CRB1: variants seen among roughly 807,000 people sequenced by gnomAD.
The protein encoded by CRB1 is protein crumbs homolog 1.
A neutral mutation model predicts 120.0 loss-of-function variants in CRB1; 83 were observed. That is an observed-to-expected ratio of 0.69 (90% CI 0.58 to 0.83). CRB1 has a LOEUF of 0.83. Ranked by LOEUF, CRB1 falls within the 40% of genes least tolerant of loss-of-function variation. The probability of loss-of-function intolerance (pLI) is 0.00; values close to 1 mark genes in which losing one functional copy is unlikely to be tolerated. For missense variants in CRB1, 1,699 were observed against 1,687.6 expected (o/e 1.01, Z -0.12); for synonymous variants, 625 against 612.5 (o/e 1.02, Z -0.30).
At chr1:197,424,248 C>A (rs1216965125) in intron 6 of CRB1, among the ~76,000 whole-genome samples, 4 of 152,098 alleles carry the variant, frequency 2.6e-5, no homozygotes, top group African/African-American at 9.7e-5. Flanking sequence ...TCCATCTTGC[C>A]AAAAATTGCC....
chr1:197,410,825 A>G (rs1663672174), intron 5 of CRB1, among the ~76,000 whole-genome samples: 1 of 152,244 alleles, frequency 6.6e-6, no homozygotes, highest in Non-Finnish European at 1.5e-5. Flanking sequence ...GATAATATCC[A>G]TGCTGAATGA....
chr1:197,413,477 A>G (rs1187823656), intron 5 of CRB1, among the ~76,000 whole-genome samples: 1 of 152,220 alleles, frequency 6.6e-6, no homozygotes, highest in Admixed American at 6.5e-5. Context: ...CTTAACCACT[A>G]TTCAAAAGGA....
rs191756826 is a variant in CRB1, at chr1:197,300,544, G to T, written c.71-27878G>T. Among the ~76,000 whole-genome samples the T allele has an allele frequency of 3.3e-3, 507 of 152,290 alleles. 2 individuals are homozygous for T. The highest frequency in any genetic ancestry group is 6.0e-3 in the Non-Finnish European group (405 of 68,036). The stretch of plus-strand genomic sequence containing the variant: ...GAAATAAGGAAGCTGCAGAAGAAAA[G>T]TTGGAAGCTAGCAGAGGTTGGTTCA... On this transcript the variant is annotated intron_variant, in intron 1 of 11. Coordinates refer to ENST00000367400, the MANE Select transcript of CRB1 (RefSeq NM_201253.3).
chr1:197,347,549 T>A lies in CRB1; in HGVS notation c.988+70T>A, dbSNP rs1659850336. On this transcript the variant is annotated intron_variant, in intron 4 of 11. Transcript: ENST00000367400. ...GAATACACATATCGCTTATAGCAAATGAAATGAAAAATTATTGTTGTTAAA... is the reference window on the plus strand; with the variant it reads ...GAATACACATATCGCTTATAGCAAAAGAAATGAAAAATTATTGTTGTTAAA... 19 of 1,475,396 alleles carry A rather than the reference T, an allele frequency of 1.3e-5. No individual in the cohort carries two copies. The South Asian group carries it at 2.1e-4, about 16-fold the overall frequency. 91.4% of individuals were successfully genotyped at this position (1,475,396 alleles called of 1,614,324 possible).
At chr1:197,388,370 C>T (rs1186031801) in intron 5 of CRB1, among the ~76,000 whole-genome samples, 4 of 151,894 alleles carry the variant, frequency 2.6e-5, no homozygotes, top group South Asian at 2.1e-4. Context: ...TAAACATTTT[C>T]GGGAGACTAA....
intron 1 of CRB1, among the ~76,000 whole-genome samples, chr1:197,310,926 G>T (rs1472880940): frequency 3.9e-5 from 6 of 152,156 alleles, no homozygotes; most frequent in African/African-American, 1.4e-4. Flanking sequence ...TTCTCCCATG[G>T]AGATGAAGAC....
chr1:197,362,308 T>C (rs1345153949), intron 5 of CRB1, among the ~76,000 whole-genome samples: 1 of 152,108 alleles, frequency 6.6e-6, no homozygotes, highest in Non-Finnish European at 1.5e-5. Context: ...GTTGCCTGAA[T>C]AAAAATTAAA....
chr1:197,302,894 T>A (rs1014570063), intron 1 of CRB1, among the ~76,000 whole-genome samples: 8 of 152,248 alleles, frequency 5.3e-5, no homozygotes, highest in Admixed American at 3.9e-4. Flanking sequence ...TGAAGGGAAG[T>A]AAGAAGGTAT....
At chr1:197,350,736 G>A (rs1007554263) in intron 4 of CRB1, among the ~76,000 whole-genome samples, 1 of 152,140 alleles carries the variant, frequency 6.6e-6, no homozygotes, top group Admixed American at 6.5e-5. Context: ...TGATCAAAGA[G>A]GCACCATTTT....
intron 2 of CRB1, among the ~76,000 whole-genome samples, chr1:197,344,065 G>A (rs899278989): frequency 6.6e-6 from 1 of 152,170 alleles, no homozygotes; most frequent in Admixed American, 6.5e-5. Flanking sequence ...ACCACAAGCT[G>A]TTGTATGCAA....
the CRB1 span, among the ~76,000 whole-genome samples, chr1:197,204,363 C>T: frequency 6.6e-6 from 1 of 152,210 alleles, no homozygotes; most frequent in African/African-American, 2.4e-5. Context: ...CTCCGCTTTT[C>T]CATAGCGGTT....
chr1:197,415,362 T>C (rs895709557), intron 5 of CRB1, among the ~76,000 whole-genome samples: 3 of 152,176 alleles, frequency 2.0e-5, no homozygotes, highest in African/African-American at 7.2e-5. Flanking sequence ...CCATGTTGGT[T>C]TTCTGTCCAA....
the CRB1 span, among the ~76,000 whole-genome samples, chr1:197,202,674 A>G: frequency 2.0e-5 from 3 of 152,212 alleles, no homozygotes; most frequent in Non-Finnish European, 4.4e-5. Context: ...AAATTCTGAT[A>G]AGAGCAAATA....
At position 197,438,662 on chromosome 1, in the gene CRB1, T is replaced by A. The variant is rs781160733; in HGVS notation, c.3865T>A (p.Phe1289Ile). 1 of 1,612,062 alleles carries A rather than the reference T, an allele frequency of 6.2e-7. No homozygotes were observed. Among genetic ancestry groups the A allele is most frequent in the Non-Finnish European group, 8.5e-7 (1 of 1,178,566 alleles). Residue 1289 changes from phenylalanine to isoleucine, a missense_variant, in exon 10 of 12, where the codon TTT becomes ATT. Phe to Ile is a conservative substitution (Grantham distance 21, BLOSUM62 0). Coordinates refer to ENST00000367400, the MANE Select transcript of CRB1 (RefSeq NM_201253.3). ...TELKCMCRPG[F>I]TGEWCEKDID... Reference sequence around the variant, plus strand: ...ATTAAAATGTATGTGCCGGCCAGGTTTTACTGGAGAATGGTGAGTCACATT... The same window carrying A: ...ATTAAAATGTATGTGCCGGCCAGGTATTACTGGAGAATGGTGAGTCACATT...
intron 11 of CRB1, among the ~76,000 whole-genome samples, chr1:197,472,240 G>A (rs761210413): frequency 1.3e-5 from 2 of 152,186 alleles, no homozygotes; most frequent in Non-Finnish European, 2.9e-5. Context: ...ATATTTCTAT[G>A]TAACTGATAT....
In CRB1 at chr1:197,373,580, A is replaced by T. The variant is rs1661487986; in HGVS notation, c.1171+16567A>T. ...CTAGGAGTTGGCCAACAGGAGACAA[A>T]TCTTTCCTGCCCATGGCCATATTTA... On this transcript the variant is annotated intron_variant, in intron 5 of 11. Transcript: ENST00000367400. Among the ~76,000 whole-genome samples, 3 of 152,160 alleles carry T rather than the reference A, an allele frequency of 2.0e-5. No individual in the cohort carries two copies. In the South Asian group the frequency reaches 6.2e-4, roughly 31 times the overall value.
At chr1:197,314,760 T>C (rs1173805096) in intron 1 of CRB1, among the ~76,000 whole-genome samples, 1 of 152,208 alleles carries the variant, frequency 6.6e-6, no homozygotes, top group Non-Finnish European at 1.5e-5. Flanking sequence ...TTCTGGTTTC[T>C]CAATGCTTGA....
intron 1 of CRB1, among the ~76,000 whole-genome samples, chr1:197,309,547 G>T (rs535679934): frequency 6.6e-6 from 1 of 152,214 alleles, no homozygotes; most frequent in African/African-American, 2.4e-5. Flanking sequence ...GAGGTCAGGA[G>T]ATCGAGACCT....
At chr1:197,461,609 G>C (rs1215147636) in intron 11 of CRB1, among the ~76,000 whole-genome samples, 1 of 152,066 alleles carries the variant, frequency 6.6e-6, no homozygotes, top group South Asian at 2.1e-4. Context: ...ATCATCACTG[G>C]TCAATTTCCT....
Sources: allele counts gnomAD v4.1 joint callset (sites outside exome capture counted in the v4.1 genomes callset), GRCh38; gene constraint gnomAD v4.1.1; transcripts MANE v1.5; gene names NCBI Gene and HGNC (gene_info 2026-07-23, HGNC 2026-07-21).